COL20A1: variants seen among roughly 807,000 people sequenced by gnomAD.
COL20A1 encodes collagen alpha-1(XX) chain.
A neutral mutation model predicts 152.9 loss-of-function variants in COL20A1; 164 were observed. The ratio of observed to expected loss-of-function variants is 1.07; its 90% CI spans 0.94 to 1.22. COL20A1 has a LOEUF of 1.22. Ranked by LOEUF, COL20A1 falls within the 50% of genes most tolerant of loss-of-function variation. COL20A1 has a pLI of 0.00. For synonymous variants in COL20A1, 864 were observed against 756.0 expected, an observed-to-expected ratio of 1.14 and a Z score of -2.34; for missense variants, 1,873 against 1,744.8, an observed-to-expected ratio of 1.07 and a Z score of -1.31.
chr20:63,319,072 C>A lies in COL20A1; in HGVS notation c.2678C>A (p.Ala893Asp), dbSNP rs765732315. 1 of 1,609,758 alleles carries A rather than the reference C, an allele frequency of 6.2e-7. No individual in the cohort carries two copies. Among genetic ancestry groups the A allele is most frequent in the East Asian group, 2.2e-5 (1 of 44,814 alleles). The part of the protein sequence containing the change: ...LTRRVSDVYP[A>D]PLPPEHTIVF... ...AACCCCCACAGTGACGTCTACCCAG[C>A]CCCCCTACCTCCAGAGCACACCATC... Residue 893 changes from alanine to aspartate, a missense_variant, in exon 22 of 36, where the codon GCC (alanine) becomes GAC (aspartate). Transcript: ENST00000358894. This position sits in a 1 kb window ranked among gnomAD's most constrained non-coding sequence, Gnocchi z 4.4.
chr20:63,307,933 T>G (rs1439416289), intron 6 of COL20A1, 38 bp from the exon 7 acceptor site: 1 of 1,607,704 alleles, frequency 6.2e-7, no homozygotes, highest in South Asian at 1.1e-5. Flanking sequence ...CATCTCAGCA[T>G]TGGAAACTCA....
At chr20:63,309,227 A>G (rs2067970354) in intron 8 of COL20A1, 106 bp from the exon 9 acceptor site, 1 of 910,472 alleles carries the variant, frequency 1.1e-6, no homozygotes, top group Non-Finnish European at 1.5e-6. Flanking sequence ...AGTACAGCCC[A>G]TAGGCCTCTT....
chr20:63,316,455 C>A (rs1320247568), intron 20 of COL20A1, 98 bp from the exon 21 acceptor site: 6 of 955,436 alleles, frequency 6.3e-6, no homozygotes, highest in Non-Finnish European at 9.0e-6. Flanking sequence ...CGCACTGCAG[C>A]CCCTGGGTCC....
Position 63,309,436 on chromosome 20 carries a change from T to A in COL20A1, c.1044T>A (p.Ala348=). 6.5e-7 allele frequency: 1 copy of A among 1,545,202 alleles called. No individual in the cohort carries two copies. Among genetic ancestry groups the A allele is most frequent in the African/African-American group, 1.4e-5 (1 of 73,022 alleles). Residue 348 remains alanine, a synonymous_variant, in exon 9 of 36, where the codon GCT becomes GCA. Coordinates refer to ENST00000358894, the MANE Select transcript of COL20A1 (RefSeq NM_020882.4). The part of the protein sequence containing the change: ...VLDFLQLGAL[A]GLLSRLICQR... ...ACTTCCTGCAGCTCGGCGCGCTGGC[T>A]GGCCTGCTCAGCCGTCTCATCTGCC...
Position 63,309,366 on chromosome 20 carries a change from T to C in COL20A1, c.974T>C (p.Leu325Pro), listed in dbSNP as rs757715744. ...VKNADEAELRLLASPPRDITV... is the reference protein window; with the variant it reads ...VKNADEAELRPLASPPRDITV... Reference sequence around the variant, plus strand: ...AACGCCGATGAGGCTGAGCTGAGGCTCCTGGCGTCCCCGCCGAGGGACATC... The same window carrying C: ...AACGCCGATGAGGCTGAGCTGAGGCCCCTGGCGTCCCCGCCGAGGGACATC... Residue 325 changes from leucine (L) to proline (P), a missense_variant, in exon 9 of 36, where the codon CTC becomes CCC. Transcript: ENST00000358894. 6.5e-7 allele frequency: 1 copy of C among 1,534,286 alleles called. No individual in the cohort carries two copies. The highest frequency in any genetic ancestry group is 8.8e-7 in the Non-Finnish European group (1 of 1,133,990).
In COL20A1 at chr20:63,319,370, A is replaced by T. The variant is rs1243554122; in HGVS notation, c.2807-117A>T. 6 of 1,066,688 alleles carry T rather than the reference A, an allele frequency of 5.6e-6. No homozygotes were observed. The highest frequency in any genetic ancestry group is 8.1e-6 in the Non-Finnish European group (6 of 740,426). The allele number at this position is 1,066,688 out of a possible 1,614,324, so 66.1% of individuals were successfully genotyped here. A position where few individuals can be genotyped will look rare whatever the true frequency, so the allele number is the denominator to read the frequency against. The stretch of plus-strand genomic sequence containing the variant: ...GGGGCTGTGGGCCACATTGAGGGTC[A>T]CCTCCAGCTTGGCACCCTCAGGGCT... On this transcript the variant is annotated intron_variant, in intron 22 of 35. Transcript: ENST00000358894. The surrounding 1 kb of genome is among the most constrained non-coding windows in gnomAD (Gnocchi z 4.4).
intron 3 of COL20A1, among the ~76,000 whole-genome samples, chr20:63,301,052 C>T (rs1003280961): frequency 3.3e-5 from 5 of 152,208 alleles, no homozygotes; most frequent in South Asian, 2.1e-4. Context: ...TGGTGGCTCA[C>T]GCCTATAATC....
At chr20:63,301,780 C>G (rs1431519165) in intron 3 of COL20A1, among the ~76,000 whole-genome samples, 1 of 152,092 alleles carries the variant, frequency 6.6e-6, no homozygotes, top group South Asian at 2.1e-4. Flanking sequence ...GTTAATCTTT[C>G]TCCAGCCTTT....
In COL20A1 at chr20:63,325,299, C is replaced by T. The variant is rs374316956; in HGVS notation, c.3295-142C>T. The T allele has an allele frequency of 2.5e-4, 185 of 731,052 alleles. 1 individual carries two copies. In the South Asian group the frequency reaches 2.6e-3, roughly 10 times the overall value. The allele number at this position is 731,052 out of a possible 1,614,324, so 45.3% of individuals were successfully genotyped here. Reference sequence around the variant, plus strand: ...GCCCGGGCCACCCGGACAGATGGGACCAGAAGGTCCTGGAGGCCAGCAGGG... The same window carrying T: ...GCCCGGGCCACCCGGACAGATGGGATCAGAAGGTCCTGGAGGCCAGCAGGG... On this transcript the variant is annotated intron_variant, in intron 27 of 35. Coordinates refer to ENST00000358894, the MANE Select transcript of COL20A1 (RefSeq NM_020882.4).
chr20:63,307,909 C>T, intron 6 of COL20A1, 62 bp from the exon 7 acceptor site: 1 of 1,589,192 alleles, frequency 6.3e-7, no homozygotes, highest in Admixed American at 1.7e-5. Context: ...TGGCCTTGTG[C>T]CAAGCTCCCT....
At chr20:63,314,039 G>A (rs763676101) in intron 18 of COL20A1, 33 bp from the exon 19 acceptor site, 1 of 1,612,308 alleles carries the variant, frequency 6.2e-7, no homozygotes, top group Admixed American at 1.7e-5. Flanking sequence ...AGTTGCCCAG[G>A]AAGTGGGGAC....
chr20:63,312,960 C>T (rs755217578), intron 16 of COL20A1, 26 bp downstream of exon 16: 8 of 1,531,818 alleles, frequency 5.2e-6, no homozygotes, highest in Admixed American at 4.0e-5. Context: ...TTTGTCCTTC[C>T]GAGGGGCCCC....
At chr20:63,327,844 G>A in intron 31 of COL20A1, 108 bp from the exon 32 acceptor site, 1 of 1,141,620 alleles carries the variant, frequency 8.8e-7, no homozygotes, top group South Asian at 1.4e-5. Context: ...CCGCCACTGT[G>A]GCTATCAGGC....
intron 6 of COL20A1, 88 bp downstream of exon 6, chr20:63,307,736 C>A: frequency 6.9e-7 from 1 of 1,444,804 alleles, no homozygotes; most frequent in East Asian, 2.4e-5. Flanking sequence ...TGGGGGTCCC[C>A]GTACCAGCCA....
rs1470360930 is a variant in COL20A1 at position 63,310,389 on chromosome 20, G to A, written c.1272G>A (p.Val424=). 1.2e-6 allele frequency: 2 copies of A among 1,611,032 alleles called. No homozygotes were observed. Among genetic ancestry groups the A allele is most frequent in the Non-Finnish European group, 1.7e-6 (2 of 1,179,274 alleles). Residue 424 remains valine, a synonymous_variant, in exon 11 of 36, where the codon GTG becomes GTA. Transcript: ENST00000358894. The stretch of plus-strand genomic sequence containing the variant: ...TGCCCACTCTGTTCCAGGTGGTGGT[G>A]GAGGGACCCGCCGCCTCCACGGAGC... ...SRGGTPREVV[V]EGPAASTELH...
In COL20A1 at chr20:63,319,523, C is replaced by T. The variant is rs1204699723; in HGVS notation, c.2843C>T (p.Pro948Leu). The T allele has an allele frequency of 1.3e-6, 2 of 1,594,904 alleles. No individual in the cohort carries two copies. Among genetic ancestry groups the T allele is most frequent in the Non-Finnish European group, 1.7e-6 (2 of 1,171,558 alleles). ...KKSLTYFHRD[P>L]RAALQEATFD... ...TCCCTGACCTACTTCCACCGTGACC[C>T]CAGGGCTGCCTTGCAGGAGGCCACC... Residue 948 changes from proline (P) to leucine (L), a missense_variant, in exon 23 of 36, where the codon CCC becomes CTC. Coordinates refer to ENST00000358894, the MANE Select transcript of COL20A1 (RefSeq NM_020882.4). The surrounding 1 kb of genome is among the most constrained non-coding windows in gnomAD (Gnocchi z 4.4).
intron 16 of COL20A1, 39 bp downstream of exon 16, chr20:63,312,973 G>C (rs370248757): frequency 8.5e-6 from 13 of 1,528,150 alleles, no homozygotes; most frequent in Non-Finnish European, 1.1e-5. Context: ...GGGGCCCCCC[G>C]TGGGCCCCTA....
rs748878531 is a variant in COL20A1, at chr20:63,316,541, C to T, written c.2525-12C>T. 1.9e-6 allele frequency: 3 copies of T among 1,584,452 alleles called. No individual in the cohort carries two copies. Among genetic ancestry groups the T allele is most frequent in the South Asian group, 1.2e-5 (1 of 86,272 alleles). ...GGTCCCTCGGTGCCCCTTCCCCCAC[C>T]ATCTTCCCCAGGGTTTGACCTGATG... is the stretch of plus-strand genomic sequence containing the variant. On this transcript the variant is annotated splice_polypyrimidine_tract_variant and intron_variant, in intron 20 of 35. Transcript: ENST00000358894.
rs758614730 is a variant in COL20A1, at chr20:63,329,708, A to G, written c.*3+47A>G. On this transcript the variant is annotated intron_variant, in intron 35 of 35. Transcript: ENST00000358894. ...CTATCTGCCAAGGCTGAGGGCATCC[A>G]GGAAGGAGGAGCTCCTGAGGGGCCA... 2.1e-5 allele frequency: 29 copies of G among 1,366,180 alleles called. 1 individual carries two copies. In the South Asian group the frequency reaches 3.9e-4, roughly 18 times the overall value. 84.6% of individuals were successfully genotyped at this position (1,366,180 alleles called of 1,614,324 possible).
Sources: allele counts gnomAD v4.1 joint callset (sites outside exome capture counted in the v4.1 genomes callset), GRCh38; gene constraint gnomAD v4.1.1; non-coding constraint Gnocchi (gnomAD v3.1); transcripts MANE v1.5; gene names NCBI Gene and HGNC (gene_info 2026-07-23, HGNC 2026-07-21).